The following SLIT3 variants were observed in gnomAD, a reference collection of about 807,000 sequenced individuals.
SLIT3 encodes slit guidance ligand 3.
SLIT3 carries 68 observed loss-of-function variants against 184.0 expected under a neutral mutation model. The ratio of observed to expected loss-of-function variants is 0.37; its 90% CI spans 0.30 to 0.45. SLIT3 has a LOEUF of 0.45. SLIT3 is among the 20% of genes least tolerant of loss of function. The pLI is 1.00. For synonymous variants in SLIT3, 831 were observed against 828.6 expected (o/e 1.00, Z -0.05); for missense variants, 1,707 against 2,026.0 (o/e 0.84, Z 3.02).
chr5:168,949,172 C>T (rs1473192234), intron 4 of SLIT3, among the ~76,000 whole-genome samples: 2 of 152,114 alleles, frequency 1.3e-5, no homozygotes, highest in African/African-American at 4.8e-5. Flanking sequence ...GTTTCACCTG[C>T]GGGTGTTCTG....
chr5:168,754,031 G>A (rs1275071297), intron 16 of SLIT3, 24 bp from the exon 17 acceptor site: 1 of 1,544,916 alleles, frequency 6.5e-7, no homozygotes, highest in Non-Finnish European at 8.7e-7. Context: ...ACAGAATAGG[G>A]GAGAATCAAA....
intron 4 of SLIT3, among the ~76,000 whole-genome samples, chr5:168,932,347 G>GACACACACACACAC (rs375350401): frequency 4.6e-5 from 6 of 131,096 alleles, no homozygotes; most frequent in Admixed American, 1.6e-4. Context: ...AGGGGAAAAA[G>GACACACACACACAC]ACACACACAC....
intron 4 of SLIT3, among the ~76,000 whole-genome samples, chr5:169,127,360 C>A (rs1043549994): frequency 6.6e-6 from 1 of 152,190 alleles, no homozygotes; most frequent in African/African-American, 2.4e-5. Flanking sequence ...GAAGCAGCAG[C>A]TGCTAGGCCC....
intron 4 of SLIT3, among the ~76,000 whole-genome samples, chr5:169,168,600 A>C (rs1762718154): frequency 1.3e-5 from 2 of 152,234 alleles, no homozygotes; most frequent in Non-Finnish European, 2.9e-5. Flanking sequence ...AAAAAGTAGT[A>C]GGAGTCACTA....
intron 4 of SLIT3, among the ~76,000 whole-genome samples, chr5:169,095,730 A>G (rs1003923362): frequency 6.6e-6 from 1 of 152,140 alleles, no homozygotes; most frequent in African/African-American, 2.4e-5. Context: ...CTGTGTCCTC[A>G]CTGTCAAGCG....
intron 7 of SLIT3, among the ~76,000 whole-genome samples, chr5:168,819,093 C>T (rs1205192324): frequency 3.9e-5 from 6 of 152,220 alleles, no homozygotes; most frequent in African/African-American, 7.2e-5. Context: ...ATGGGTCCCA[C>T]GCAGTTCTCC....
intron 4 of SLIT3, among the ~76,000 whole-genome samples, chr5:168,925,806 T>C (rs1215568476): frequency 1.3e-5 from 2 of 152,196 alleles, no homozygotes; most frequent in Non-Finnish European, 2.9e-5. Flanking sequence ...GAATGTCGTT[T>C]GTTATATTTA....
intron 3 of SLIT3, among the ~76,000 whole-genome samples, chr5:169,224,238 A>G (rs1396432658): frequency 6.6e-6 from 1 of 152,214 alleles, no homozygotes; most frequent in Non-Finnish European, 1.5e-5. Context: ...TGTCAGGCAT[A>G]CAATAGGATA....
At chr5:168,959,436 T>C (rs992659761) in intron 4 of SLIT3, among the ~76,000 whole-genome samples, 1 of 152,126 alleles carries the variant, frequency 6.6e-6, no homozygotes. Flanking sequence ...TATAAGAAAA[T>C]ATCCCACACG....
intron 4 of SLIT3, among the ~76,000 whole-genome samples, chr5:169,111,790 T>C (rs1391659464): frequency 6.6e-6 from 1 of 152,168 alleles, no homozygotes; most frequent in African/African-American, 2.4e-5. Flanking sequence ...CTTTATTCAC[T>C]AGAACAGGCA....
In SLIT3 at chr5:168,859,226, A is replaced by C. The variant is rs567544148; in HGVS notation, c.486-14571T>G. ...ATGTTCTATATTAACCCCTCCAAGA[A>C]GAGAGAGGCCCCAGAATTGTCTCTG... is the stretch of plus-strand genomic sequence containing the variant. On this transcript the variant is annotated intron_variant, in intron 5 of 35. Coordinates refer to ENST00000519560, the MANE Select transcript of SLIT3 (RefSeq NM_003062.4). Among the ~76,000 whole-genome samples the C allele has an allele frequency of 1.9e-4, 29 of 152,284 alleles. No homozygotes were observed. The South Asian group carries it at 6.0e-3, about 32-fold the overall frequency.
At chr5:169,085,548 C>A (rs1421201894) in intron 4 of SLIT3, among the ~76,000 whole-genome samples, 1 of 152,160 alleles carries the variant, frequency 6.6e-6, no homozygotes, top group Non-Finnish European at 1.5e-5. Flanking sequence ...CACCCCAATT[C>A]CCCAAATCCA....
intron 4 of SLIT3, among the ~76,000 whole-genome samples, chr5:169,189,678 T>G (rs1471047884): frequency 6.6e-6 from 1 of 151,080 alleles, no homozygotes; most frequent in Non-Finnish European, 1.5e-5. Flanking sequence ...AAATGCAGAC[T>G]CTGGAGTCAG....
chr5:168,801,946 A>G (rs1304984339), intron 9 of SLIT3, among the ~76,000 whole-genome samples: 2 of 151,980 alleles, frequency 1.3e-5, no homozygotes, highest in Non-Finnish European at 2.9e-5. Flanking sequence ...TGCATGAGAG[A>G]TAGGCAACCC....
rs139018394 is a variant in SLIT3, at chr5:169,068,503, G to A, written c.413+124976C>T. Among the ~76,000 whole-genome samples, 278 of 152,272 alleles carry A rather than the reference G, an allele frequency of 1.8e-3. 2 individuals carry two copies. The highest frequency in any genetic ancestry group is 0.01 in the Middle Eastern group (3 of 294). ...ACCATGTTGATCACCAGAGGGTTTC[G>A]TTTAAGATGGGCTGCATATTATACT... On this transcript the variant is annotated intron_variant, in intron 4 of 35. Coordinates refer to ENST00000519560, the MANE Select transcript of SLIT3 (RefSeq NM_003062.4).
chr5:169,045,817 C>G (rs766963713), intron 4 of SLIT3, among the ~76,000 whole-genome samples: 2 of 152,202 alleles, frequency 1.3e-5, no homozygotes, highest in Non-Finnish European at 2.9e-5. Context: ...CCTGGTGAGT[C>G]CTCCGATTTT....
At chr5:168,903,063 C>T (rs568323338) in intron 4 of SLIT3, among the ~76,000 whole-genome samples, 2 of 152,220 alleles carry the variant, frequency 1.3e-5, no homozygotes, top group Non-Finnish European at 2.9e-5. Context: ...AAGCCAACAT[C>T]ACTCAATCAG....
rs368291993 is a variant in SLIT3, at chr5:169,039,293, C to A, written c.413+154186G>T. ...GCTTCGGCATAACCAAACAGTGCTC[C>A]GTAAGAGTTAAGTTTTTTTTTGTGT... On this transcript the variant is annotated intron_variant, in intron 4 of 35. Coordinates refer to ENST00000519560, the MANE Select transcript of SLIT3 (RefSeq NM_003062.4). 1.1e-3 allele frequency among the ~76,000 whole-genome samples: 165 copies of A among 150,354 alleles called. 1 individual carries two copies. Among genetic ancestry groups the A allele is most frequent in the Non-Finnish European group, 2.0e-3 (139 of 67,822 alleles).
At chr5:169,205,297 A>G (rs1481348616) in intron 3 of SLIT3, among the ~76,000 whole-genome samples, 12 of 152,188 alleles carry the variant, frequency 7.9e-5, no homozygotes, top group Admixed American at 7.9e-4. Flanking sequence ...GGTTTCCTCC[A>G]TCAACAGAAT....
Sources: allele counts gnomAD v4.1 joint callset (sites outside exome capture counted in the v4.1 genomes callset), GRCh38; gene constraint gnomAD v4.1.1; transcripts MANE v1.5; gene names NCBI Gene and HGNC (gene_info 2026-07-23, HGNC 2026-07-21).